Variants in ACTN1 observed in about 807,000 individuals in gnomAD.
ACTN1 encodes actinin alpha 1, also known as alpha-actinin-1.
ACTN1 carries 30 observed loss-of-function variants against 119.6 expected under a neutral mutation model. The observed-to-expected ratio is 0.25, with a 90% confidence interval of 0.19 to 0.34. The LOEUF (loss-of-function observed/expected upper bound fraction) is 0.34, where lower values mean the gene tolerates loss of function less well. ACTN1 is among the 10% of genes least tolerant of loss of function. The pLI, the probability that ACTN1 is intolerant of heterozygous loss-of-function variation, is 1.00. For missense variants in ACTN1, 764 were observed against 1,223.4 expected, an observed-to-expected ratio of 0.62 and a Z score of 5.60; for synonymous variants, 429 against 472.6, an observed-to-expected ratio of 0.91 and a Z score of 1.20.
At chr14:68,906,004 A>G (rs2033646404) in intron 6 of ACTN1, among the ~76,000 whole-genome samples, 1 of 146,940 alleles carries the variant, frequency 6.8e-6, no homozygotes, top group African/African-American at 2.5e-5. Flanking sequence ...AAAAAACAGC[A>G]AACACCATAT....
At chr14:68,968,278 G>A (rs1037262655) in intron 1 of ACTN1, among the ~76,000 whole-genome samples, 5 of 152,250 alleles carry the variant, frequency 3.3e-5, no homozygotes, top group African/African-American at 1.2e-4. Flanking sequence ...CGCCACCGCA[G>A]AGGCAGGAAG....
At chr14:68,934,823 T>C (rs542529294) in intron 1 of ACTN1, among the ~76,000 whole-genome samples, 1 of 152,278 alleles carries the variant, frequency 6.6e-6, no homozygotes, top group East Asian at 1.9e-4. Context: ...ACTGCTTATA[T>C]ATAATTAACC....
intron 1 of ACTN1, among the ~76,000 whole-genome samples, chr14:68,935,030 G>GT (rs1275390167): frequency 1.6e-4 from 24 of 151,176 alleles, no homozygotes; most frequent in Admixed American, 3.3e-4. Context: ...CTTTGTTTTT[G>GT]TTTTTTTTTA....
chr14:68,935,374 G>A (rs1011927204), intron 1 of ACTN1, among the ~76,000 whole-genome samples: 1 of 144,426 alleles, frequency 6.9e-6, no homozygotes, highest in Non-Finnish European at 1.5e-5. Flanking sequence ...TCCTGTCAGA[G>A]AGCTCTCTGT....
At chr14:68,920,362 G>T (rs1182945143) in intron 3 of ACTN1, among the ~76,000 whole-genome samples, 1 of 152,098 alleles carries the variant, frequency 6.6e-6, no homozygotes, top group Non-Finnish European at 1.5e-5. Flanking sequence ...ATGGTCACAG[G>T]ACTGAAGGGG....
intron 1 of ACTN1, among the ~76,000 whole-genome samples, chr14:68,934,263 A>C (rs1350056232): frequency 6.6e-6 from 1 of 152,244 alleles, no homozygotes; most frequent in Admixed American, 6.5e-5. Context: ...TGGGGACATC[A>C]GCCATCTGGG....
At chr14:68,892,998 T>A (rs1338068374) in intron 9 of ACTN1, among the ~76,000 whole-genome samples, 2 of 152,120 alleles carry the variant, frequency 1.3e-5, no homozygotes, top group African/African-American at 4.8e-5. Flanking sequence ...CCAGGTCCTG[T>A]AACTTGCCAA....
intron 1 of ACTN1, among the ~76,000 whole-genome samples, chr14:68,945,175 AAAGAAAG>A (rs1027992013): frequency 3.4e-5 from 5 of 148,396 alleles, no homozygotes; most frequent in African/African-American, 1.0e-4. Context: ...AAAAAAAAAA[AAAGAAAG>A]AAAGAAAGAA....
At chr14:68,928,539 C>T (rs2035044027) in intron 1 of ACTN1, among the ~76,000 whole-genome samples, 1 of 152,222 alleles carries the variant, frequency 6.6e-6, no homozygotes, top group Non-Finnish European at 1.5e-5. Context: ...GGATTCAGTT[C>T]TCAGATCCAC....
chr14:68,920,664 C>T (rs1456671185), intron 3 of ACTN1, among the ~76,000 whole-genome samples: 1 of 152,180 alleles, frequency 6.6e-6, no homozygotes, highest in Non-Finnish European at 1.5e-5. Flanking sequence ...CTTTCCAGCC[C>T]ATACACAAAT....
rs111332628 is a variant in ACTN1, at chr14:68,901,776, G to A, written c.762+701C>T. Among the ~76,000 whole-genome samples the A allele has an allele frequency of 5.9e-5, 9 of 152,352 alleles. 2 individuals are homozygous for A. Among genetic ancestry groups the A allele is most frequent in the African/African-American group, 2.2e-4 (9 of 41,574 alleles). ...TTTAGTCGTGGAACCCCTGTGTGGTGCAGAACCTGCACGACTGAACTTTAA... is the reference window on the plus strand; with the variant it reads ...TTTAGTCGTGGAACCCCTGTGTGGTACAGAACCTGCACGACTGAACTTTAA... On this transcript the variant is annotated intron_variant, in intron 8 of 21. Transcript: ENST00000394419.
rs1487380920 is a variant in ACTN1 at position 68,879,649 on chromosome 14, C to A, written c.2280+313G>T. ...AGTCTCTTCTGCTCCTCTGTCTCCA[C>A]AGCCAGGGAGCAGCAAGCCTTCACT... On this transcript the variant is annotated intron_variant, in intron 18 of 21. Transcript: ENST00000394419. The surrounding 1 kb of genome is among the most constrained non-coding windows in gnomAD (Gnocchi z 4.9). Among the ~76,000 whole-genome samples, 1 of 152,144 alleles carries A rather than the reference C, an allele frequency of 6.6e-6. No homozygotes were observed. The highest frequency in any genetic ancestry group is 1.5e-5 in the Non-Finnish European group (1 of 67,998).
At chr14:68,903,778 C>T (rs2140248790) in intron 7 of ACTN1, among the ~76,000 whole-genome samples, 1 of 152,266 alleles carries the variant, frequency 6.6e-6, no homozygotes, top group Non-Finnish European at 1.5e-5. Flanking sequence ...CATAAGCCCA[C>T]AGACCCCTAT....
intron 3 of ACTN1, among the ~76,000 whole-genome samples, chr14:68,916,505 T>C (rs574341521): frequency 6.6e-6 from 1 of 152,160 alleles, no homozygotes; most frequent in African/African-American, 2.4e-5. Context: ...GCATAGAGAG[T>C]AGGGCGTGCT....
Position 68,885,333 on chromosome 14 carries a change from TCTTCCACGGCC to T in ACTN1, c.1385+81_1385+91del. The T allele has an allele frequency of 1.5e-6, 1 of 684,168 alleles. No homozygotes were observed. The highest frequency in any genetic ancestry group is 2.3e-6 in the Non-Finnish European group (1 of 440,388). The allele number at this position is 684,168 out of a possible 1,614,324, so 42.4% of individuals were successfully genotyped here. A position where few individuals can be genotyped will look rare whatever the true frequency, so the allele number is the denominator to read the frequency against. ...CACCCACCTGTACCCACCCTCCCCATCTTCCACGGCCACACCCCCACCTCCCCCAGCAGCTG... is the reference window on the plus strand; with the variant it reads ...CACCCACCTGTACCCACCCTCCCCATACACCCCCACCTCCCCCAGCAGCTG... On this transcript the variant is annotated intron_variant, in intron 12 of 21. Coordinates refer to ENST00000394419, the MANE Select transcript of ACTN1 (RefSeq NM_001130004.2). The surrounding 1 kb of genome is among the most constrained non-coding windows in gnomAD (Gnocchi z 5.6).
chr14:68,959,512 C>T (rs1003192483), intron 1 of ACTN1, among the ~76,000 whole-genome samples: 9 of 152,198 alleles, frequency 5.9e-5, no homozygotes, highest in African/African-American at 2.2e-4. Flanking sequence ...CTTGATACTT[C>T]CAAGTTCTCT....
intron 11 of ACTN1, chr14:68,886,322 TC>T (rs2032002660): frequency 6.6e-6 from 1 of 152,202 alleles, no homozygotes; most frequent in African/African-American, 2.4e-5. Flanking sequence ...CAAGGTTGTG[TC>T]CCCAGGTGGC....
chr14:68,962,445 C>T (rs979271353), intron 1 of ACTN1, among the ~76,000 whole-genome samples: 15 of 152,296 alleles, frequency 9.8e-5, no homozygotes, highest in African/African-American at 3.6e-4. Flanking sequence ...TTTGCCTGTG[C>T]CCACAGGTCA....
intron 1 of ACTN1, among the ~76,000 whole-genome samples, chr14:68,937,121 CG>C (rs2035565466): frequency 6.6e-6 from 1 of 152,026 alleles, no homozygotes; most frequent in African/African-American, 2.4e-5. Flanking sequence ...TTCCTGGCCC[CG>C]TCTCTCACCC....
Sources: gnomAD v4.1 joint callset for allele counts (sites outside exome capture counted in the v4.1 genomes callset) on GRCh38, gnomAD v4.1.1 for gene constraint, Gnocchi (gnomAD v3.1) non-coding constraint, MANE v1.5 for transcripts, NCBI Gene and HGNC (gene_info 2026-07-23, HGNC 2026-07-21) for gene names.